Variants in ABAT observed in about 807,000 individuals in gnomAD.
ABAT encodes the protein 4-aminobutyrate aminotransferase, mitochondrial.
A neutral mutation model predicts 64.6 loss-of-function variants in ABAT; 45 were observed. The ratio of observed to expected loss-of-function variants is 0.70; its 90% CI spans 0.55 to 0.89. ABAT has a LOEUF of 0.89. Ranked by LOEUF, ABAT falls within the 40% of genes least tolerant of loss-of-function variation. The pLI is 0.00. For synonymous variants in ABAT, 297 were observed against 250.5 expected, an observed-to-expected ratio of 1.19 and a Z score of -1.75; for missense variants, 633 against 658.4, an observed-to-expected ratio of 0.96 and a Z score of 0.42.
At chr16:8,703,801 C>G (rs2057879931) in intron 1 of ABAT, among the ~76,000 whole-genome samples, 1 of 152,184 alleles carries the variant, frequency 6.6e-6, no homozygotes, top group South Asian at 2.1e-4. Flanking sequence ...TGTAAAGGGC[C>G]AGACAGTAAG....
Position 8,781,173 on chromosome 16 carries a change from C to T in ABAT, c.1382-136C>T. On this transcript the variant is annotated intron_variant, in intron 15 of 15. Transcript: ENST00000268251. This position sits in a 1 kb window ranked among gnomAD's most constrained non-coding sequence, Gnocchi z 4.5. ...GTGGGTGGTAGGAAGGAAGCCCGGG[C>T]TTCCATGATGGAGGATGATGGATGG... 1 of 1,416,164 alleles carries T rather than the reference C, an allele frequency of 7.1e-7. No individual in the cohort carries two copies. Among genetic ancestry groups the T allele is most frequent in the Non-Finnish European group, 9.9e-7 (1 of 1,011,470 alleles). The allele number at this position is 1,416,164 out of a possible 1,614,324, so 87.7% of individuals were successfully genotyped here. A position where few individuals can be genotyped will look rare whatever the true frequency, so the allele number is the denominator to read the frequency against.
chr16:8,750,109 A>C (rs925608720), intron 4 of ABAT, among the ~76,000 whole-genome samples: 3 of 152,194 alleles, frequency 2.0e-5, no homozygotes, highest in African/African-American at 7.2e-5. Context: ...GTTTTCTTTG[A>C]GTTTGCTCTA....
chr16:8,722,904 C>T (rs2058414738), intron 1 of ABAT: 16 of 1,273,014 alleles, frequency 1.3e-5, no homozygotes, highest in Middle Eastern at 2.1e-4. Flanking sequence ...ACTCTTAGCA[C>T]GCTTGTCAGG....
intron 1 of ABAT, among the ~76,000 whole-genome samples, chr16:8,689,865 G>A (rs1046798097): frequency 1.3e-5 from 2 of 152,182 alleles, no homozygotes; most frequent in African/African-American, 4.8e-5. Flanking sequence ...TCAGGAAGGT[G>A]CTATGCACAG....
chr16:8,754,009 G>A (rs2059567339), intron 5 of ABAT, among the ~76,000 whole-genome samples: 1 of 151,910 alleles, frequency 6.6e-6, no homozygotes, highest in Non-Finnish European at 1.5e-5. Context: ...TGTTCCTACT[G>A]CATTCAACCT....
chr16:8,698,195 C>T (rs574777402), intron 1 of ABAT, among the ~76,000 whole-genome samples: 1 of 152,312 alleles, frequency 6.6e-6, no homozygotes, highest in South Asian at 2.1e-4. Flanking sequence ...ACTTTGCCTG[C>T]TGCCGGAGGA....
At chr16:8,696,287 C>A (rs2057699635) in intron 1 of ABAT, among the ~76,000 whole-genome samples, 1 of 152,050 alleles carries the variant, frequency 6.6e-6, no homozygotes. Flanking sequence ...TGCAGGGGGA[C>A]CCTGGGGAAG....
chr16:8,761,168 G>C (rs1268761931), intron 6 of ABAT, among the ~76,000 whole-genome samples: 1 of 151,972 alleles, frequency 6.6e-6, no homozygotes, highest in Non-Finnish European at 1.5e-5. Context: ...TCCCTGCCAG[G>C]AGCTTCCCCC....
chr16:8,733,037 A>G (rs113514598), intron 1 of ABAT, among the ~76,000 whole-genome samples: 1 of 125,706 alleles, frequency 8.0e-6, no homozygotes, highest in Non-Finnish European at 1.6e-5. Flanking sequence ...TGATCCCCCC[A>G]CCTCCCTCCC....
chr16:8,709,758 A>C lies in ABAT; in HGVS notation c.-41-25941A>C, dbSNP rs892583944. 3.3e-5 allele frequency among the ~76,000 whole-genome samples: 5 copies of C among 152,084 alleles called. No individual in the cohort carries two copies. The East Asian group carries it at 9.7e-4, about 29-fold the overall frequency. On this transcript the variant is annotated intron_variant, in intron 1 of 15. Coordinates refer to ENST00000268251, the MANE Select transcript of ABAT (RefSeq NM_020686.6). Reference sequence around the variant, plus strand: ...GGAGTGAGAAAAGCGTGGACTTGGCAATCAGAAAGATGTAGGGGCTTATCA... The same window carrying C: ...GGAGTGAGAAAAGCGTGGACTTGGCCATCAGAAAGATGTAGGGGCTTATCA...
Position 8,781,617 on chromosome 16 carries a change from T to C in ABAT, c.*187T>C. The C allele has an allele frequency of 2.7e-6, 2 of 744,932 alleles. No homozygotes were observed. 46.1% of individuals were successfully genotyped at this position (744,932 alleles called of 1,614,324 possible). A position where few individuals can be genotyped will look rare whatever the true frequency, so the allele number is the denominator to read the frequency against. ...GGGAGGGAAGGGCTGGTGTTGATTTTCCTCCCTGCAGAGCCAATGGTGCAC... is the reference window on the plus strand; with the variant it reads ...GGGAGGGAAGGGCTGGTGTTGATTTCCCTCCCTGCAGAGCCAATGGTGCAC... On this transcript the variant is annotated 3_prime_UTR_variant, in exon 16 of 16. Coordinates refer to ENST00000268251, the MANE Select transcript of ABAT (RefSeq NM_020686.6). The surrounding 1 kb of genome is among the most constrained non-coding windows in gnomAD (Gnocchi z 4.5).
At chr16:8,766,488 C>G (rs930430805) in intron 9 of ABAT, among the ~76,000 whole-genome samples, 8 of 151,860 alleles carry the variant, frequency 5.3e-5, no homozygotes, top group Admixed American at 4.6e-4. Context: ...AACCCCATCT[C>G]TACTAAAAAG....
intron 1 of ABAT, among the ~76,000 whole-genome samples, chr16:8,710,181 G>A (rs796225119): frequency 1.1e-4 from 16 of 152,178 alleles, no homozygotes; most frequent in African/African-American, 3.9e-4. Context: ...CAAAAGCATT[G>A]TTTCAATCAA....
Position 8,768,877 on chromosome 16 carries a change from C to T in ABAT, c.720C>T (p.Ser240=). 6.2e-7 allele frequency: 1 copy of T among 1,614,228 alleles called. No individual in the cohort carries two copies. Among genetic ancestry groups the T allele is most frequent in the South Asian group, 1.1e-5 (1 of 91,088 alleles). The change falls in exon 11 of 16, where the codon TCC becomes TCT. Residue 240 remains serine (S), a synonymous_variant. Transcript: ENST00000268251. ...CCATTCACAAGATCGACATCCCTTC[C>T]TTTGACTGGCCCATCGCACCGTTCC... ...SKAIHKIDIP[S]FDWPIAPFPR...
chr16:8,684,149 T>G (rs1011976245), intron 1 of ABAT, among the ~76,000 whole-genome samples: 1 of 152,082 alleles, frequency 6.6e-6, no homozygotes, highest in African/African-American at 2.4e-5. Flanking sequence ...TCCCTGTTCC[T>G]GGGGATTCTA....
At position 8,781,165 on chromosome 16, in the gene ABAT, A is replaced by G; in HGVS notation, c.1382-144A>G. The stretch of plus-strand genomic sequence containing the variant: ...CTGGATGGGTGGGTGGTAGGAAGGA[A>G]GCCCGGGCTTCCATGATGGAGGATG... On this transcript the variant is annotated intron_variant, in intron 15 of 15. Coordinates refer to ENST00000268251, the MANE Select transcript of ABAT (RefSeq NM_020686.6). This position sits in a 1 kb window ranked among gnomAD's most constrained non-coding sequence, Gnocchi z 4.5. The G allele has an allele frequency of 2.4e-6, 3 of 1,236,922 alleles. No individual in the cohort carries two copies. Among genetic ancestry groups the G allele is most frequent in the Non-Finnish European group, 3.5e-6 (3 of 845,706 alleles). 76.6% of individuals were successfully genotyped at this position (1,236,922 alleles called of 1,614,324 possible). A position where few individuals can be genotyped will look rare whatever the true frequency, so the allele number is the denominator to read the frequency against.
At chr16:8,774,785 C>T (rs1262121217) in intron 12 of ABAT, 105 bp from the exon 13 acceptor site, 6 of 1,399,930 alleles carry the variant, frequency 4.3e-6, no homozygotes, top group South Asian at 2.4e-5. Context: ...AAAACAAGCA[C>T]GATGTGTGTG....
intron 1 of ABAT, among the ~76,000 whole-genome samples, chr16:8,734,727 A>G (rs1567293211): frequency 1.3e-5 from 2 of 152,214 alleles, no homozygotes; most frequent in Admixed American, 6.5e-5. Context: ...TCTGAGATAC[A>G]ATACCATTTA....
chr16:8,776,196 T>A lies in ABAT; in HGVS notation c.1123-148T>A, dbSNP rs1430572923. Reference sequence around the variant, plus strand: ...TCTGGTAGAGAAGAATTCAGCGAGATTGGGTGTGTTCCCCTGCCAGCCTCT... The same window carrying A: ...TCTGGTAGAGAAGAATTCAGCGAGAATGGGTGTGTTCCCCTGCCAGCCTCT... On this transcript the variant is annotated intron_variant, in intron 13 of 15. Transcript: ENST00000268251. The surrounding 1 kb of genome is among the most constrained non-coding windows in gnomAD (Gnocchi z 4.4). 9.5e-7 allele frequency: 1 copy of A among 1,050,240 alleles called. No individual in the cohort carries two copies. Among genetic ancestry groups the A allele is most frequent in the African/African-American group, 1.6e-5 (1 of 64,022 alleles). The allele number at this position is 1,050,240 out of a possible 1,614,324, so 65.1% of individuals were successfully genotyped here. A position where few individuals can be genotyped will look rare whatever the true frequency, so the allele number is the denominator to read the frequency against.
Sources: gnomAD v4.1 joint callset for allele counts (sites outside exome capture counted in the v4.1 genomes callset) on GRCh38, gnomAD v4.1.1 for gene constraint, Gnocchi (gnomAD v3.1) non-coding constraint, MANE v1.5 for transcripts, NCBI Gene and HGNC (gene_info 2026-07-23, HGNC 2026-07-21) for gene names.